PNPLA8: variants seen among roughly 807,000 people sequenced by gnomAD.
PNPLA8 encodes the protein patatin like domain 8, phospholipase A2, also known as calcium-independent phospholipase A2-gamma.
In PNPLA8, 39 loss-of-function variants were observed where a neutral mutation model predicts 76.9. That is an observed-to-expected ratio of 0.51 (90% confidence interval 0.39 to 0.66). The LOEUF (loss-of-function observed/expected upper bound fraction) is 0.66, where lower values mean the gene tolerates loss of function less well. PNPLA8 is among the 30% of genes least tolerant of loss of function. The pLI, the probability that PNPLA8 is intolerant of heterozygous loss-of-function variation, is 0.00. For synonymous variants in PNPLA8, 301 were observed against 307.9 expected (o/e 0.98, Z 0.24); for missense variants, 887 against 918.0 (o/e 0.97, Z 0.44).
At chr7:108,526,200 G>A, upstream of PNPLA8, 6 of 655,528 alleles carry the variant, frequency 9.2e-6, no homozygotes, top group Non-Finnish European at 1.1e-5. Context: ...GAAGTGACGC[G>A]CTAGAAGTTT....
chr7:108,505,034 C>T (rs1598931319), intron 4 of PNPLA8, among the ~76,000 whole-genome samples: 1 of 151,904 alleles, frequency 6.6e-6, no homozygotes, highest in Non-Finnish European at 1.5e-5. Flanking sequence ...CAAGATTGCA[C>T]ATTGCACTCC....
chr7:108,515,568 G>C lies in PNPLA8; in HGVS notation c.-77C>G. 7.8e-7 allele frequency: 1 copy of C among 1,279,680 alleles called. No homozygotes were observed. 79.3% of individuals were successfully genotyped at this position (1,279,680 alleles called of 1,614,324 possible). Reference sequence around the variant, plus strand: ...CATTTAAGAAATGCCATAATTCATGGTCTTACCTGAAATGGCAAGAAAAAA... The same window carrying C: ...CATTTAAGAAATGCCATAATTCATGCTCTTACCTGAAATGGCAAGAAAAAA... On this transcript the variant is annotated 5_prime_UTR_variant, in exon 3 of 11. Transcript: ENST00000257694.
At position 108,471,958 on chromosome 7, in the gene PNPLA8, T is replaced by A. The variant is rs1458263531; in HGVS notation, c.*443A>T. On this transcript the variant is annotated 3_prime_UTR_variant, in exon 11 of 11. Transcript: ENST00000257694. Reference sequence around the variant, plus strand: ...GATTGGAGAACATAGCTAGTGAGAATATTAGGTAATGTAAATTTAAGAAGA... The same window carrying A: ...GATTGGAGAACATAGCTAGTGAGAAAATTAGGTAATGTAAATTTAAGAAGA... The A allele has an allele frequency of 6.6e-6, 1 of 152,530 alleles. No homozygotes were observed. Among genetic ancestry groups the A allele is most frequent in the Admixed American group, 6.5e-5 (1 of 15,276 alleles). The allele number at this position is 152,530 out of a possible 1,614,324, so 9.4% of individuals were successfully genotyped here.
At chr7:108,516,095 G>A (rs1317707110) in intron 2 of PNPLA8, among the ~76,000 whole-genome samples, 2 of 152,176 alleles carry the variant, frequency 1.3e-5, no homozygotes, top group African/African-American at 4.8e-5. Context: ...ATAGCCATGT[G>A]AAAAAGATTT....
chr7:108,491,466 C>T lies in PNPLA8; in HGVS notation c.1627G>A (p.Asp543Asn). The change falls in exon 8 of 11, where the codon GAT (aspartate) becomes AAT (asparagine). Residue 543 changes from aspartate (D) to asparagine (N), a missense_variant and splice_region_variant. Coordinates refer to ENST00000257694, the MANE Select transcript of PNPLA8 (RefSeq NM_001256007.3). Reference sequence around the variant, plus strand: ...ATCATCAGTGCAGATCCCATCCTATCCCTTTATTAAAGGAGAAAAAAATAA... The same window carrying T: ...ATCATCAGTGCAGATCCCATCCTATTCCTTTATTAAAGGAGAAAAAAATAA... ...DSQTWENILK[D>N]RMGSALMIET... 6.3e-7 allele frequency: 1 copy of T among 1,589,852 alleles called. No homozygotes were observed. Among genetic ancestry groups the T allele is most frequent in the Non-Finnish European group, 8.6e-7 (1 of 1,158,554 alleles).
At chr7:108,486,667 T>A (rs1563941409) in intron 9 of PNPLA8, among the ~76,000 whole-genome samples, 1 of 152,130 alleles carries the variant, frequency 6.6e-6, no homozygotes, top group Non-Finnish European at 1.5e-5. Flanking sequence ...CATAACATTT[T>A]AAAATATATA....
intron 10 of PNPLA8, among the ~76,000 whole-genome samples, chr7:108,476,644 C>T (rs10215206): frequency 0.18 from 27,551 of 152,048 alleles, 2,763 homozygotes; most frequent in East Asian, 0.35. Flanking sequence ...GGTATATGTC[C>T]GAAGGAAATG....
chr7:108,480,227 G>A (rs1036710303), intron 9 of PNPLA8, among the ~76,000 whole-genome samples: 1 of 152,030 alleles, frequency 6.6e-6, no homozygotes, highest in Non-Finnish European at 1.5e-5. Flanking sequence ...AAATTAGCCA[G>A]GCATGGTGTA....
At chr7:108,483,623 G>A (rs952445112) in intron 9 of PNPLA8, among the ~76,000 whole-genome samples, 12 of 152,052 alleles carry the variant, frequency 7.9e-5, no homozygotes, top group Non-Finnish European at 1.3e-4. Context: ...TTCATTGTTT[G>A]AATATACCAT....
intron 4 of PNPLA8, chr7:108,510,963 G>C: frequency 1.3e-6 from 2 of 1,506,838 alleles, no homozygotes; most frequent in Non-Finnish European, 9.0e-7. Context: ...AGGCTTATTA[G>C]AAGAATGAAC....
At chr7:108,496,810 T>A (rs1046444209) in intron 6 of PNPLA8, 55 bp from the exon 7 acceptor site, 3 of 998,020 alleles carry the variant, frequency 3.0e-6, no homozygotes, top group Non-Finnish European at 2.7e-6. Flanking sequence ...CCTTATGATG[T>A]AAGATTTCCT....
At chr7:108,499,309 A>G (rs1353772389) in intron 5 of PNPLA8, among the ~76,000 whole-genome samples, 1 of 152,208 alleles carries the variant, frequency 6.6e-6, no homozygotes, top group African/African-American at 2.4e-5. Context: ...AAACTTAACT[A>G]TTTAAAAATG....
intron 4 of PNPLA8, among the ~76,000 whole-genome samples, chr7:108,513,771 T>C (rs1261993577): frequency 6.6e-6 from 1 of 152,142 alleles, no homozygotes; most frequent in Non-Finnish European, 1.5e-5. Context: ...GAAAGGACCA[T>C]GAAATAAAAA....
At chr7:108,512,485 A>G (rs893702144) in intron 4 of PNPLA8, among the ~76,000 whole-genome samples, 2 of 152,216 alleles carry the variant, frequency 1.3e-5, no homozygotes, top group African/African-American at 4.8e-5. Context: ...TGTAGCATAC[A>G]AAATAAGTAA....
At chr7:108,485,818 C>G (rs1437359907) in intron 9 of PNPLA8, among the ~76,000 whole-genome samples, 1 of 151,986 alleles carries the variant, frequency 6.6e-6, no homozygotes, top group Non-Finnish European at 1.5e-5. Flanking sequence ...TTCTTAGGCT[C>G]TAGATTCCAT....
At chr7:108,487,718 C>A in intron 9 of PNPLA8, 41 bp downstream of exon 9, 1 of 1,269,828 alleles carries the variant, frequency 7.9e-7, no homozygotes, top group South Asian at 1.4e-5. Flanking sequence ...TTCTTTTAAT[C>A]ATGTAAAATT....
chr7:108,493,568 C>CTTTTT (rs34935118), intron 7 of PNPLA8, among the ~76,000 whole-genome samples: 64 of 81,210 alleles, frequency 7.9e-4, no homozygotes, highest in South Asian at 1.1e-3. Flanking sequence ...CCATGCCTGG[C>CTTTTT]TTTTTTTTTT....
At chr7:108,505,332 ATATATATATATATATATATATTTTTTT>A (rs1563967775) in intron 4 of PNPLA8, among the ~76,000 whole-genome samples, 18 of 5,470 alleles carry the variant, frequency 3.3e-3, no homozygotes, top group African/African-American at 0.016. Flanking sequence ...ATATATATAT[ATATATATATATATATATATATTTTTTT>A]TTTTTTTTTT....
chr7:108,520,953 T>C (rs555901786), intron 2 of PNPLA8, among the ~76,000 whole-genome samples: 92 of 151,840 alleles, frequency 6.1e-4, no homozygotes, highest in African/African-American at 2.2e-3. Flanking sequence ...AAGTCAACAG[T>C]AAAAAATCTC....
Sources: allele counts gnomAD v4.1 joint callset (sites outside exome capture counted in the v4.1 genomes callset), GRCh38; gene constraint gnomAD v4.1.1; transcripts MANE v1.5; gene names NCBI Gene and HGNC (gene_info 2026-07-23, HGNC 2026-07-21).